DLGAP2: variants seen among roughly 807,000 people sequenced by gnomAD.
The protein encoded by DLGAP2 is DLG associated protein 2, also known as disks large-associated protein 2.
In DLGAP2, 26 loss-of-function variants were observed where a neutral mutation model predicts 100.3. The ratio of observed to expected loss-of-function variants is 0.26; its 90% CI spans 0.19 to 0.36. The LOEUF is 0.36. Ranked by LOEUF, DLGAP2 falls within the 10% of genes least tolerant of loss-of-function variation. DLGAP2 has a pLI of 1.00. For synonymous variants in DLGAP2, 886 were observed against 630.1 expected (o/e 1.41, Z -6.08); for missense variants, 1,858 against 1,453.2 (o/e 1.28, Z -4.53).
At chr8:1,604,217 G>C (rs1339395413) in intron 6 of DLGAP2, among the ~76,000 whole-genome samples, 1 of 152,180 alleles carries the variant, frequency 6.6e-6, no homozygotes, top group Admixed American at 6.5e-5. Flanking sequence ...GCGGGAGAAG[G>C]GACCTTGCTA....
At chr8:1,225,447 A>G (rs1563264104) in intron 2 of DLGAP2, among the ~76,000 whole-genome samples, 1 of 152,236 alleles carries the variant, frequency 6.6e-6, no homozygotes, top group Non-Finnish European at 1.5e-5. Context: ...GGGAACGGTC[A>G]CTTACTAGGG....
At chr8:830,696 C>T (rs756059680) in intron 1 of DLGAP2, among the ~76,000 whole-genome samples, 11 of 151,998 alleles carry the variant, frequency 7.2e-5, no homozygotes, top group South Asian at 4.2e-4. Flanking sequence ...AATATTACTA[C>T]GATGTTTATT....
intron 2 of DLGAP2, among the ~76,000 whole-genome samples, chr8:1,146,792 A>C (rs902019075): frequency 3.3e-5 from 5 of 152,362 alleles, no homozygotes; most frequent in African/African-American, 1.2e-4. Context: ...CCTGAAGTGC[A>C]GCCTTTCAGA....
chr8:953,509 A>G (rs969734123), intron 2 of DLGAP2, among the ~76,000 whole-genome samples: 1 of 152,216 alleles, frequency 6.6e-6, no homozygotes, highest in African/African-American at 2.4e-5. Context: ...TTAAATTTCT[A>G]ATTTTTGCTT....
chr8:1,013,543 C>CGCAGAGGT (rs1325215568), intron 2 of DLGAP2, among the ~76,000 whole-genome samples: 3 of 152,038 alleles, frequency 2.0e-5, no homozygotes, highest in Non-Finnish European at 4.4e-5. Flanking sequence ...ATGATGTTGC[C>CGCAGAGGT]GCAGAGGTCT....
At chr8:928,179 G>A (rs1188813965) in intron 2 of DLGAP2, among the ~76,000 whole-genome samples, 2 of 152,200 alleles carry the variant, frequency 1.3e-5, no homozygotes, top group Non-Finnish European at 2.9e-5. Context: ...CTGAGGCTGA[G>A]TTCATATTCA....
At chr8:1,319,777 G>C (rs900277725) in intron 3 of DLGAP2, among the ~76,000 whole-genome samples, 1 of 152,196 alleles carries the variant, frequency 6.6e-6, no homozygotes, top group Non-Finnish European at 1.5e-5. Context: ...GGGAGATGTT[G>C]TCTGTAAGGG....
chr8:1,233,617 C>G (rs1456643777), intron 2 of DLGAP2, among the ~76,000 whole-genome samples: 1 of 151,166 alleles, frequency 6.6e-6, no homozygotes, highest in East Asian at 1.9e-4. Flanking sequence ...AGCTGCCCAG[C>G]TCTGGGTCCA....
chr8:1,180,320 A>G (rs1797352735), intron 2 of DLGAP2, among the ~76,000 whole-genome samples: 2 of 152,216 alleles, frequency 1.3e-5, no homozygotes, highest in Admixed American at 1.3e-4. Flanking sequence ...CCCTCCTGCC[A>G]AATCCCAGTT....
chr8:955,790 A>C (rs1799583627), intron 2 of DLGAP2, among the ~76,000 whole-genome samples: 1 of 152,188 alleles, frequency 6.6e-6, no homozygotes, highest in South Asian at 2.1e-4. Flanking sequence ...ACATATTCCC[A>C]ATATCTTACC....
chr8:1,033,796 GACCCC>G, intron 2 of DLGAP2, among the ~76,000 whole-genome samples: 2 of 146,606 alleles, frequency 1.4e-5, no homozygotes, highest in East Asian at 2.1e-4. Flanking sequence ...CGCTCATCCC[GACCCC>G]GCGTGTCACC....
intron 1 of DLGAP2, among the ~76,000 whole-genome samples, chr8:800,701 T>C (rs1796131655): frequency 6.6e-6 from 1 of 152,122 alleles, no homozygotes; most frequent in Admixed American, 6.5e-5. Flanking sequence ...TGTGTGCATG[T>C]GTGTGTCTGT....
intron 2 of DLGAP2, among the ~76,000 whole-genome samples, chr8:1,091,794 T>G (rs916981614): frequency 2.1e-5 from 3 of 144,096 alleles, no homozygotes; most frequent in Non-Finnish European, 4.5e-5. Context: ...CTCTCCCCAC[T>G]CCTACCCCTC....
At chr8:1,120,144 G>GT (rs1563202055) in intron 2 of DLGAP2, among the ~76,000 whole-genome samples, 5 of 152,160 alleles carry the variant, frequency 3.3e-5, no homozygotes, top group Non-Finnish European at 5.9e-5. Flanking sequence ...GTCTGTGGAC[G>GT]TAACCCTACT....
chr8:1,191,172 CA>C (rs1369900899), intron 2 of DLGAP2, among the ~76,000 whole-genome samples: 1 of 130,518 alleles, frequency 7.7e-6, no homozygotes, highest in East Asian at 2.0e-4. Context: ...TAAGTAGATA[CA>C]TTTTTTTTTT....
intron 3 of DLGAP2, among the ~76,000 whole-genome samples, chr8:1,276,769 T>C (rs1457411042): frequency 3.9e-5 from 6 of 152,274 alleles, no homozygotes; most frequent in African/African-American, 1.4e-4. Flanking sequence ...AAACGTAAAG[T>C]TGTTTTCATT....
chr8:738,260 C>A (rs990999402), intron 1 of DLGAP2, among the ~76,000 whole-genome samples: 2 of 151,638 alleles, frequency 1.3e-5, no homozygotes, highest in Non-Finnish European at 2.9e-5. Flanking sequence ...CATCCCCCTC[C>A]CCCCAAGCCC....
intron 3 of DLGAP2, among the ~76,000 whole-genome samples, chr8:1,389,962 A>G (rs1385332119): frequency 6.6e-6 from 1 of 152,002 alleles, no homozygotes; most frequent in Non-Finnish European, 1.5e-5. Flanking sequence ...GCTCTCCCTC[A>G]CACGTGAACA....
At chr8:1,246,134 G>T (rs1359721672) in intron 2 of DLGAP2, among the ~76,000 whole-genome samples, 1 of 152,120 alleles carries the variant, frequency 6.6e-6, no homozygotes, top group Non-Finnish European at 1.5e-5. Context: ...GATTCCCATA[G>T]GTGTCTTCTG....
Sources: allele counts gnomAD v4.1 joint callset (sites outside exome capture counted in the v4.1 genomes callset), GRCh38; gene constraint gnomAD v4.1.1; transcripts MANE v1.5; gene names NCBI Gene and HGNC (gene_info 2026-07-23, HGNC 2026-07-21).